DIP2C: variants seen among roughly 807,000 people sequenced by gnomAD.
DIP2C encodes the protein disco-interacting protein 2 homolog C.
DIP2C carries 33 observed loss-of-function variants against 192.4 expected under a neutral mutation model. The ratio of observed to expected loss-of-function variants is 0.17; its 90% CI spans 0.13 to 0.23. The LOEUF (loss-of-function observed/expected upper bound fraction) is 0.23. DIP2C is among the 10% of genes least tolerant of loss of function. The probability of loss-of-function intolerance (pLI) is 1.00; values close to 1 mark genes in which losing one functional copy is unlikely to be tolerated. For synonymous variants in DIP2C, 979 were observed against 864.1 expected, an observed-to-expected ratio of 1.13 and a Z score of -2.33; for missense variants, 1,537 against 2,110.1, an observed-to-expected ratio of 0.73 and a Z score of 5.32.
chr10:513,327 A>G (rs571546444), intron 1 of DIP2C, among the ~76,000 whole-genome samples: 1 of 152,360 alleles, frequency 6.6e-6, no homozygotes, highest in South Asian at 2.1e-4. Flanking sequence ...TGCAAACTGA[A>G]TTTGTTGGAC....
In DIP2C at chr10:310,104, A is replaced by AACAGAGTG; in HGVS notation, c.3925-20_3925-13dup. On this transcript the variant is annotated splice_polypyrimidine_tract_variant and intron_variant, in intron 31 of 36. Coordinates refer to ENST00000280886, the MANE Select transcript of DIP2C (RefSeq NM_014974.3). ...GGTCCTGAGGTTCCCTGCAAGCAACAACAGAGTGGTTAACTCAAGTTTACA... is the reference window on the plus strand; with the variant it reads ...GGTCCTGAGGTTCCCTGCAAGCAACAACAGAGTGACAGAGTGGTTAACTCAAGTTTACA... 1 of 1,614,026 alleles carries AACAGAGTG rather than the reference A, an allele frequency of 6.2e-7. No individual in the cohort carries two copies. Among genetic ancestry groups the AACAGAGTG allele is most frequent in the Non-Finnish European group, 8.5e-7 (1 of 1,179,884 alleles).
Position 688,427 on chromosome 10 carries a change from C to G in DIP2C, c.85+1067G>C, listed in dbSNP as rs1831409246. Among the ~76,000 whole-genome samples, 3 of 152,232 alleles carry G rather than the reference C, an allele frequency of 2.0e-5. No individual in the cohort carries two copies. In the South Asian group the frequency reaches 6.2e-4, roughly 32 times the overall value. On this transcript the variant is annotated intron_variant, in intron 1 of 36. Coordinates refer to ENST00000280886, the MANE Select transcript of DIP2C (RefSeq NM_014974.3). ...GTTAAAAAGGAAAACATAAAGTCAA[C>G]ACCAGCTCCTCCCTGCCGGTGAAAA...
At chr10:508,228 A>C (rs1392192730) in intron 1 of DIP2C, among the ~76,000 whole-genome samples, 1 of 151,860 alleles carries the variant, frequency 6.6e-6, no homozygotes, top group Non-Finnish European at 1.5e-5. Context: ...AAAATATCCA[A>C]ATCTTACCCA....
At position 535,044 on chromosome 10, in the gene DIP2C, G is replaced by A. The variant is rs988966600; in HGVS notation, c.86-48514C>T. 9.2e-5 allele frequency among the ~76,000 whole-genome samples: 14 copies of A among 152,188 alleles called. 1 individual carries two copies. Among genetic ancestry groups the A allele is most frequent in the Admixed American group, 3.3e-4 (5 of 15,280 alleles). ...TACACAACAGACAAGAAGTCAGCCT[G>A]GGTTGAGGGGAGGCAGGAACTGACC... On this transcript the variant is annotated intron_variant, in intron 1 of 36. Transcript: ENST00000280886.
At chr10:687,797 C>A (rs1278362519) in intron 1 of DIP2C, among the ~76,000 whole-genome samples, 2 of 152,210 alleles carry the variant, frequency 1.3e-5, no homozygotes, top group Non-Finnish European at 2.9e-5. Context: ...CATAGACATC[C>A]CAGACTCTGG....
chr10:619,666 C>G (rs926860920), intron 1 of DIP2C, among the ~76,000 whole-genome samples: 10 of 152,116 alleles, frequency 6.6e-5, no homozygotes, highest in African/African-American at 2.2e-4. Context: ...ACACAGACCC[C>G]AGGAATAAAC....
chr10:366,073 C>G (rs975495614), intron 19 of DIP2C, among the ~76,000 whole-genome samples: 2 of 152,208 alleles, frequency 1.3e-5, no homozygotes, highest in African/African-American at 4.8e-5. Flanking sequence ...CTTTTAAACA[C>G]TGGTTATAAG....
At position 384,036 on chromosome 10, in the gene DIP2C, C is replaced by T. The variant is rs199745501; in HGVS notation, c.1867G>A (p.Ala623Thr). The T allele has an allele frequency of 4.4e-6, 7 of 1,600,014 alleles. No individual in the cohort carries two copies. The highest frequency in any genetic ancestry group is 1.1e-5 in the South Asian group (1 of 88,082). The change falls in exon 16 of 37, where the codon GCG becomes ACG. Residue 623 changes from alanine (A) to threonine (T), a missense_variant. By Grantham distance (58) the Ala-to-Thr change is moderately conservative. This residue lies in a region of DIP2C where 677 missense variants were observed against 989.9 expected (regional missense o/e 0.68). Coordinates refer to ENST00000280886, the MANE Select transcript of DIP2C (RefSeq NM_014974.3). ...SLRMLIVADG[A>T]NPWSISSCDA... is the part of the protein sequence containing the mutation. ...CACGCTCCTCACTTACAGGGGTTCG[C>T]GCCGTCCGCCACTATCAGCATTCGC...
At chr10:285,413 AGGGGAGT>A (rs1407548497) in intron 34 of DIP2C, among the ~76,000 whole-genome samples, 5 of 152,162 alleles carry the variant, frequency 3.3e-5, no homozygotes, top group Non-Finnish European at 7.4e-5. Flanking sequence ...ACAGGTGATA[AGGGGAGT>A]GAGGGTGTCC....
At chr10:576,753 A>G (rs1409203934) in intron 1 of DIP2C, among the ~76,000 whole-genome samples, 1 of 152,114 alleles carries the variant, frequency 6.6e-6, no homozygotes, top group Non-Finnish European at 1.5e-5. Context: ...ACTAAAAATA[A>G]AAAATTAGCC....
chr10:554,262 T>G (rs563994170), intron 1 of DIP2C, among the ~76,000 whole-genome samples: 1 of 152,106 alleles, frequency 6.6e-6, no homozygotes. Flanking sequence ...AGAAAAAGTA[T>G]ATGCTTGTAA....
At chr10:558,501 G>C (rs1564198663) in intron 1 of DIP2C, among the ~76,000 whole-genome samples, 2 of 152,316 alleles carry the variant, frequency 1.3e-5, no homozygotes, top group South Asian at 4.1e-4. Flanking sequence ...TAGATACGGG[G>C]GGTGGAGGCG....
rs186541358 is a variant in DIP2C at position 639,866 on chromosome 10, T to C, written c.85+49628A>G. Among the ~76,000 whole-genome samples, 299 of 152,344 alleles carry C rather than the reference T, an allele frequency of 2.0e-3. 1 individual carries two copies. The highest frequency in any genetic ancestry group is 3.5e-3 in the Non-Finnish European group (237 of 68,030). On this transcript the variant is annotated intron_variant, in intron 1 of 36. Transcript: ENST00000280886. ...AGAAGGAAAATCACAGCATTATCCA[T>C]TGATGCTGCTTAAAGCGTATTTCCA...
In DIP2C at chr10:652,615, C is replaced by T. The variant is rs1388727314; in HGVS notation, c.85+36879G>A. The T allele has an allele frequency of 1.3e-5, 2 of 152,876 alleles. No homozygotes were observed. Among genetic ancestry groups the T allele is most frequent in the African/African-American group, 4.8e-5 (2 of 41,450 alleles). The allele number at this position is 152,876 out of a possible 1,614,324, so 9.5% of individuals were successfully genotyped here. ...AGCTGCGCCAATCACTCAAGCTTCACTTTGATCACTTGCTCTACCAAATAA... is the reference window on the plus strand; with the variant it reads ...AGCTGCGCCAATCACTCAAGCTTCATTTTGATCACTTGCTCTACCAAATAA... On this transcript the variant is annotated intron_variant, in intron 1 of 36. Transcript: ENST00000280886. The surrounding 1 kb of genome is among the most constrained non-coding windows in gnomAD (Gnocchi z 4.5).
At chr10:352,707 G>A (rs934707524) in intron 24 of DIP2C, among the ~76,000 whole-genome samples, 2 of 152,168 alleles carry the variant, frequency 1.3e-5, no homozygotes. Flanking sequence ...AGGGACAGTC[G>A]CTCCTGGCTC....
At chr10:561,112 T>G (rs1349928373) in intron 1 of DIP2C, among the ~76,000 whole-genome samples, 4 of 152,328 alleles carry the variant, frequency 2.6e-5, no homozygotes, top group Admixed American at 2.6e-4. Context: ...CATGTCTCCC[T>G]AAAAGGTACA....
At chr10:687,348 G>T (rs916160772) in intron 1 of DIP2C, among the ~76,000 whole-genome samples, 2 of 152,114 alleles carry the variant, frequency 1.3e-5, no homozygotes, top group Non-Finnish European at 2.9e-5. Flanking sequence ...AACTCAACCT[G>T]GGCAAACCCA....
chr10:435,107 C>T (rs546742075), intron 4 of DIP2C, among the ~76,000 whole-genome samples: 1 of 152,104 alleles, frequency 6.6e-6, no homozygotes, highest in Non-Finnish European at 1.5e-5. Context: ...CTTGTATTAC[C>T]GTTCCGCATA....
At chr10:640,730 AGGGTG>A (rs1462446279) in intron 1 of DIP2C, among the ~76,000 whole-genome samples, 3 of 2,046 alleles carry the variant, frequency 1.5e-3, no homozygotes, top group East Asian at 0.014. Flanking sequence ...CGCGGGGAAG[AGGGTG>A]GGCGCCGGGA....
Sources: gnomAD v4.1 joint callset for allele counts (sites outside exome capture counted in the v4.1 genomes callset) on GRCh38, gnomAD v4.1.1 for gene constraint, gnomAD v4.1.1 regional missense constraint, Gnocchi (gnomAD v3.1) non-coding constraint, MANE v1.5 for transcripts, NCBI Gene and HGNC (gene_info 2026-07-23, HGNC 2026-07-21) for gene names.